The following HMGCLL1 variants were observed in gnomAD, a reference collection of about 807,000 sequenced individuals.
HMGCLL1 encodes 3-hydroxymethyl-3-methylglutaryl-CoA lyase, cytoplasmic.
A neutral mutation model predicts 39.1 loss-of-function variants in HMGCLL1; 36 were observed. The observed-to-expected ratio is 0.92, with a 90% CI of 0.71 to 1.22. HMGCLL1 has a LOEUF of 1.22. Among genes scored for constraint, HMGCLL1 ranks in the 50% most tolerant of loss-of-function variants. The pLI is 0.00. For synonymous variants in HMGCLL1, 149 were observed against 144.0 expected (o/e 1.03, Z -0.25); for missense variants, 451 against 416.5 (o/e 1.08, Z -0.72).
intron 7 of HMGCLL1, among the ~76,000 whole-genome samples, chr6:55,470,649 G>A (rs917570924): frequency 1.3e-5 from 2 of 151,666 alleles, no homozygotes; most frequent in Non-Finnish European, 2.9e-5. Context: ...TGCAGTTTAA[G>A]AAATAGGAGT....
intron 7 of HMGCLL1, among the ~76,000 whole-genome samples, chr6:55,486,613 C>T (rs1766047148): frequency 6.6e-6 from 1 of 152,090 alleles, no homozygotes; most frequent in African/African-American, 2.4e-5. Context: ...AGAGTCATCA[C>T]TCACTGTCCT....
the HMGCLL1 span, among the ~76,000 whole-genome samples, chr6:55,599,901 G>A: frequency 2.0e-5 from 3 of 152,140 alleles, no homozygotes; most frequent in Admixed American, 6.6e-5. Flanking sequence ...CTTCAAAGCC[G>A]AAGCTAAGCA....
At chr6:55,497,453 T>C (rs576028496) in intron 6 of HMGCLL1, among the ~76,000 whole-genome samples, 1 of 152,268 alleles carries the variant, frequency 6.6e-6, no homozygotes, top group East Asian at 1.9e-4. Flanking sequence ...AATATGCATT[T>C]CTTCAATACC....
chr6:55,531,477 T>A (rs1300993681), intron 3 of HMGCLL1, among the ~76,000 whole-genome samples: 1 of 152,212 alleles, frequency 6.6e-6, no homozygotes, highest in African/African-American at 2.4e-5. Flanking sequence ...GGAATTTTAA[T>A]GTGACCAACA....
At chr6:55,567,661 G>T (rs1771282227) in intron 1 of HMGCLL1, among the ~76,000 whole-genome samples, 1 of 152,168 alleles carries the variant, frequency 6.6e-6, no homozygotes, top group South Asian at 2.1e-4. Context: ...ATAAACAGCA[G>T]AATGGAGAAC....
At chr6:55,602,506 A>G in the HMGCLL1 span, among the ~76,000 whole-genome samples, 1 of 152,054 alleles carries the variant, frequency 6.6e-6, no homozygotes, top group East Asian at 1.9e-4. Flanking sequence ...GGTGGGACTA[A>G]AAATTTGCAA....
the HMGCLL1 span, among the ~76,000 whole-genome samples, chr6:55,627,516 C>T: frequency 2.6e-5 from 4 of 151,710 alleles, no homozygotes; most frequent in Non-Finnish European, 4.4e-5. Flanking sequence ...TGGTTAATAC[C>T]GAGTGTCAAC....
intron 1 of HMGCLL1, among the ~76,000 whole-genome samples, chr6:55,572,449 G>C (rs992883681): frequency 2.0e-5 from 3 of 151,882 alleles, no homozygotes; most frequent in Non-Finnish European, 4.4e-5. Context: ...GTTCTTCAAA[G>C]AGCAGATACT....
intron 7 of HMGCLL1, among the ~76,000 whole-genome samples, chr6:55,476,301 T>C (rs984695917): frequency 2.0e-5 from 3 of 151,694 alleles, no homozygotes; most frequent in African/African-American, 7.3e-5. Flanking sequence ...GTTAAATCTA[T>C]GCCTTACCAT....
At chr6:55,626,899 T>A in the HMGCLL1 span, among the ~76,000 whole-genome samples, 130 of 151,386 alleles carry the variant, frequency 8.6e-4, no homozygotes, top group Middle Eastern at 3.4e-3. Flanking sequence ...TAAGGAAGAG[T>A]ATGTATGGAA....
intron 7 of HMGCLL1, among the ~76,000 whole-genome samples, chr6:55,447,114 T>C (rs1190686230): frequency 6.6e-6 from 1 of 151,994 alleles, no homozygotes; most frequent in African/African-American, 2.4e-5. Context: ...AAATTACCCA[T>C]ACATGAAGTA....
the HMGCLL1 span, among the ~76,000 whole-genome samples, chr6:55,636,359 A>T: frequency 7.2e-5 from 11 of 152,290 alleles, no homozygotes; most frequent in South Asian, 2.3e-3. Context: ...TTGAAGGTTA[A>T]TATGAAAAAT....
chr6:55,438,493 C>G (rs1763460111), intron 8 of HMGCLL1, among the ~76,000 whole-genome samples: 1 of 152,004 alleles, frequency 6.6e-6, no homozygotes, highest in Admixed American at 6.6e-5. Context: ...ACAGTTTGAC[C>G]TGGGGGATAG....
At chr6:55,574,054 T>C (rs1175033241) in intron 1 of HMGCLL1, among the ~76,000 whole-genome samples, 3 of 152,102 alleles carry the variant, frequency 2.0e-5, no homozygotes, top group Non-Finnish European at 2.9e-5. Flanking sequence ...TGGCTGTTAA[T>C]TTTTTAGATA....
the HMGCLL1 span, among the ~76,000 whole-genome samples, chr6:55,622,604 G>T: frequency 6.6e-6 from 1 of 152,042 alleles, no homozygotes; most frequent in Non-Finnish European, 1.5e-5. Context: ...TCCCAGGAAT[G>T]AATCCCATTA....
chr6:55,549,382 G>A (rs1770187728), intron 1 of HMGCLL1, among the ~76,000 whole-genome samples: 1 of 150,988 alleles, frequency 6.6e-6, no homozygotes, highest in African/African-American at 2.4e-5. Flanking sequence ...AAGTGTGTGT[G>A]TGTGTGTGTG....
the HMGCLL1 span, among the ~76,000 whole-genome samples, chr6:55,584,586 C>A: frequency 1.3e-5 from 2 of 152,006 alleles, no homozygotes; most frequent in Non-Finnish European, 2.9e-5. Context: ...GATCAATCAA[C>A]GCCAAACTAG....
the HMGCLL1 span, among the ~76,000 whole-genome samples, chr6:55,631,243 G>A: frequency 8.6e-5 from 13 of 151,774 alleles, no homozygotes; most frequent in African/African-American, 4.8e-5. Context: ...ATAACTCTTC[G>A]ATTTGCCCTT....
At chr6:55,652,519 G>A in the HMGCLL1 span, among the ~76,000 whole-genome samples, 1 of 152,112 alleles carries the variant, frequency 6.6e-6, no homozygotes, top group African/African-American at 2.4e-5. Context: ...AGAATAGAAT[G>A]TTCTCCATGA....
Sources: gnomAD v4.1 joint callset for allele counts (sites outside exome capture counted in the v4.1 genomes callset) on GRCh38, gnomAD v4.1.1 for gene constraint, MANE v1.5 for transcripts, NCBI Gene and HGNC (gene_info 2026-07-23, HGNC 2026-07-21) for gene names.